DPF3: variants seen among roughly 807,000 people sequenced by gnomAD.
DPF3 encodes the protein double PHD fingers 3, also known as zinc finger protein DPF3.
In DPF3, 18 loss-of-function variants were observed where a neutral mutation model predicts 56.8. That is an observed-to-expected ratio of 0.32 (90% CI 0.22 to 0.47). The LOEUF (loss-of-function observed/expected upper bound fraction) is 0.47. Among genes scored for constraint, DPF3 ranks in the 20% least tolerant of loss-of-function variants. The pLI, the probability that DPF3 is intolerant of heterozygous loss-of-function variation, is 1.00. For synonymous variants in DPF3, 188 were observed against 180.2 expected (o/e 1.04, Z -0.35); for missense variants, 403 against 488.8 (o/e 0.82, Z 1.65).
At chr14:72,889,347 T>C (rs562927082) in intron 1 of DPF3, among the ~76,000 whole-genome samples, 32 of 152,196 alleles carry the variant, frequency 2.1e-4, no homozygotes, top group Non-Finnish European at 4.0e-4. Flanking sequence ...TAATGTGTGC[T>C]AATGAGGTTT....
chr14:72,667,012 A>G (rs905229736), intron 8 of DPF3, among the ~76,000 whole-genome samples: 1 of 152,178 alleles, frequency 6.6e-6, no homozygotes, highest in Non-Finnish European at 1.5e-5. Flanking sequence ...CTGAGTAATG[A>G]TCTTGCATTC....
intron 1 of DPF3, among the ~76,000 whole-genome samples, chr14:72,789,609 A>G (rs1022552607): frequency 2.0e-5 from 3 of 152,182 alleles, no homozygotes; most frequent in Non-Finnish European, 2.9e-5. Flanking sequence ...GGCTCACTGC[A>G]GCCTCGATCT....
chr14:72,793,878 G>A (rs559759188), intron 1 of DPF3, among the ~76,000 whole-genome samples: 93 of 152,354 alleles, frequency 6.1e-4, no homozygotes, highest in African/African-American at 2.1e-3. Context: ...TTGCTGGCCA[G>A]CTGGGTTCTC....
At position 72,616,529 on chromosome 14, in the gene DPF3, A is replaced by G. The variant is rs1340222214; in HGVS notation, c.*2768T>C. Among the ~76,000 whole-genome samples the G allele has an allele frequency of 6.6e-6, 1 of 152,202 alleles. No homozygotes were observed. The highest frequency in any genetic ancestry group is 6.5e-5 in the Admixed American group (1 of 15,292). ...ACACAAGAAGGCGGACATGGAAAAC[A>G]TCCGGAGTTCTTCCCAGACAAGCAT... On this transcript the variant is annotated 3_prime_UTR_variant, in exon 11 of 11. Transcript: ENST00000556509.
chr14:72,703,272 G>A (rs868617093), intron 6 of DPF3, among the ~76,000 whole-genome samples: 51 of 152,148 alleles, frequency 3.4e-4, no homozygotes, highest in African/African-American at 1.2e-3. Flanking sequence ...TGGAGACACA[G>A]GGGATTGGGG....
At chr14:72,689,772 G>A (rs114090394) in intron 7 of DPF3, among the ~76,000 whole-genome samples, 4 of 152,240 alleles carry the variant, frequency 2.6e-5, no homozygotes, top group African/African-American at 9.6e-5. Context: ...AACCTGGGAC[G>A]ACCAGCTGCC....
At chr14:72,758,375 G>A (rs1028023110) in intron 2 of DPF3, among the ~76,000 whole-genome samples, 2 of 152,192 alleles carry the variant, frequency 1.3e-5, no homozygotes, top group Non-Finnish European at 2.9e-5. Flanking sequence ...TGGAACACAA[G>A]GAGGAGGAAT....
chr14:72,716,557 G>A (rs1444559202), intron 5 of DPF3, among the ~76,000 whole-genome samples: 1 of 152,096 alleles, frequency 6.6e-6, no homozygotes, highest in Non-Finnish European at 1.5e-5. Context: ...ACTGAGCGCT[G>A]TCTGGCATTA....
chr14:72,873,803 C>T (rs1245497493), intron 1 of DPF3, among the ~76,000 whole-genome samples: 1 of 151,858 alleles, frequency 6.6e-6, no homozygotes, highest in Non-Finnish European at 1.5e-5. Context: ...AACCATCATT[C>T]TCAGCAAACT....
intron 1 of DPF3, among the ~76,000 whole-genome samples, chr14:72,794,267 G>A (rs1224675744): frequency 1.3e-5 from 2 of 152,224 alleles, no homozygotes; most frequent in Admixed American, 1.3e-4. Context: ...TTACCACAAT[G>A]TGGGGTCCTA....
chr14:72,787,758 A>G (rs971281787), intron 1 of DPF3, among the ~76,000 whole-genome samples: 1 of 152,164 alleles, frequency 6.6e-6, no homozygotes, highest in Non-Finnish European at 1.5e-5. Flanking sequence ...CACGGACAGT[A>G]ATGGCAATAC....
chr14:72,674,456 C>T (rs1435692034), intron 7 of DPF3, 88 bp from the exon 8 acceptor site: 2 of 1,490,906 alleles, frequency 1.3e-6, no homozygotes, highest in Admixed American at 2.5e-5. Context: ...GTAGAATCTG[C>T]TCCAGAAGGA....
At chr14:72,711,615 T>TAG (rs1888656020) in intron 6 of DPF3, among the ~76,000 whole-genome samples, 1 of 152,018 alleles carries the variant, frequency 6.6e-6, no homozygotes, top group East Asian at 1.9e-4. Context: ...CAGGGTGCCA[T>TAG]AGAGACTATG....
chr14:72,647,062 C>T (rs1014710428), intron 8 of DPF3, among the ~76,000 whole-genome samples: 1 of 152,154 alleles, frequency 6.6e-6, no homozygotes, highest in Non-Finnish European at 1.5e-5. Context: ...CCAAGTCTTC[C>T]CACCACTCTC....
chr14:72,821,885 G>A (rs1303004794), intron 1 of DPF3, among the ~76,000 whole-genome samples: 2 of 151,870 alleles, frequency 1.3e-5, no homozygotes, highest in South Asian at 2.1e-4. Flanking sequence ...GTGTGTACCT[G>A]TAGTCCTAGC....
chr14:72,748,609 C>T (rs1254557893), intron 3 of DPF3, among the ~76,000 whole-genome samples: 2 of 152,308 alleles, frequency 1.3e-5, no homozygotes, highest in East Asian at 1.9e-4. Flanking sequence ...TTCACGGCAG[C>T]CCCTCCCATC....
Position 72,827,772 on chromosome 14 carries a change from G to A in DPF3, c.33-55879C>T, listed in dbSNP as rs150811939. ...TGGGATTACAGGTGTGAGCCACTGC[G>A]CCTGGCCCCCCTTTACTCTTAAATA... On this transcript the variant is annotated intron_variant, in intron 1 of 10. Coordinates refer to ENST00000556509, the MANE Select transcript of DPF3 (RefSeq NM_001280542.3). Among the ~76,000 whole-genome samples, 1,088 of 151,946 alleles carry A rather than the reference G, an allele frequency of 7.2e-3. 9 individuals are homozygous for A. The highest frequency in any genetic ancestry group is 0.025 in the African/African-American group (1,030 of 41,462).
chr14:72,892,128 T>C (rs1443334804), intron 1 of DPF3: 1 of 1,528,636 alleles, frequency 6.5e-7, no homozygotes, highest in African/African-American at 1.4e-5. Flanking sequence ...GGGTACGGCT[T>C]TCCCAGGAGG....
At chr14:72,652,449 A>G (rs1885940404) in intron 8 of DPF3, among the ~76,000 whole-genome samples, 1 of 152,172 alleles carries the variant, frequency 6.6e-6, no homozygotes, top group Non-Finnish European at 1.5e-5. Flanking sequence ...CAGAGACCAG[A>G]AGGATGGTGC....
Sources: allele counts gnomAD v4.1 joint callset (sites outside exome capture counted in the v4.1 genomes callset), GRCh38; gene constraint gnomAD v4.1.1; transcripts MANE v1.5; gene names NCBI Gene and HGNC (gene_info 2026-07-23, HGNC 2026-07-21).